ARHGEF26: variants seen among roughly 807,000 people sequenced by gnomAD.
ARHGEF26 encodes the protein Rho guanine nucleotide exchange factor (GEF) 26.
Under a neutral mutation model 89.4 loss-of-function variants are expected in ARHGEF26, and 59 were observed. The observed-to-expected ratio is 0.66, with a 90% CI of 0.54 to 0.82. ARHGEF26 has a LOEUF of 0.82. ARHGEF26 is among the 40% of genes least tolerant of loss of function. The pLI is 0.00. For synonymous variants in ARHGEF26, 500 were observed against 428.4 expected, an observed-to-expected ratio of 1.17 and a Z score of -2.06; for missense variants, 1,234 against 1,085.6, an observed-to-expected ratio of 1.14 and a Z score of -1.92.
chr3:154,221,790 C>T (rs907823335), intron 10 of ARHGEF26, among the ~76,000 whole-genome samples: 1 of 152,100 alleles, frequency 6.6e-6, no homozygotes, highest in Non-Finnish European at 1.5e-5. Flanking sequence ...TTGGTCATTA[C>T]CCGTGAGGGG....
At chr3:154,170,579 C>G (rs1330179781) in intron 6 of ARHGEF26, among the ~76,000 whole-genome samples, 1 of 152,168 alleles carries the variant, frequency 6.6e-6, no homozygotes, top group East Asian at 1.9e-4. Flanking sequence ...ACCATTTGTC[C>G]TGTGTGACCT....
intron 6 of ARHGEF26, among the ~76,000 whole-genome samples, chr3:154,162,133 A>G (rs553534099): frequency 6.6e-6 from 1 of 152,324 alleles, no homozygotes; most frequent in African/African-American, 2.4e-5. Flanking sequence ...GTTTGGTTGC[A>G]GTGTTTCATC....
chr3:154,176,842 C>G (rs1712850850), intron 6 of ARHGEF26, among the ~76,000 whole-genome samples: 1 of 151,980 alleles, frequency 6.6e-6, no homozygotes, highest in Non-Finnish European at 1.5e-5. Flanking sequence ...TGAGGTTTTC[C>G]TACATTGCCC....
At chr3:154,201,824 A>G (rs1006581901) in intron 9 of ARHGEF26, among the ~76,000 whole-genome samples, 2 of 152,132 alleles carry the variant, frequency 1.3e-5, no homozygotes, top group African/African-American at 4.8e-5. Context: ...ATCTGTTCAT[A>G]TCCTTCACCC....
chr3:154,180,042 G>C (rs1471751641), intron 6 of ARHGEF26, among the ~76,000 whole-genome samples: 2 of 151,822 alleles, frequency 1.3e-5, no homozygotes, highest in Non-Finnish European at 2.9e-5. Flanking sequence ...TTTGTATCGT[G>C]GCTTATGAAT....
intron 9 of ARHGEF26, among the ~76,000 whole-genome samples, chr3:154,204,618 C>T (rs192476160): frequency 2.6e-5 from 4 of 152,238 alleles, no homozygotes; most frequent in African/African-American, 9.6e-5. Context: ...GCATGAGCCA[C>T]TGTACCCAGC....
At chr3:154,180,587 T>A in intron 6 of ARHGEF26, among the ~76,000 whole-genome samples, 1 of 151,796 alleles carries the variant, frequency 6.6e-6, no homozygotes, top group Non-Finnish European at 1.5e-5. Context: ...TGCTGCATCC[T>A]CCTCTAATTT....
At chr3:154,245,620 G>A (rs1717758909) in intron 12 of ARHGEF26, among the ~76,000 whole-genome samples, 1 of 152,314 alleles carries the variant, frequency 6.6e-6, no homozygotes, top group East Asian at 1.9e-4. Context: ...CTCATCTTGA[G>A]AATGCCCAGT....
chr3:154,238,005 A>G (rs1190195995), intron 11 of ARHGEF26, among the ~76,000 whole-genome samples: 1 of 152,020 alleles, frequency 6.6e-6, no homozygotes. Context: ...AGGTTTTGTT[A>G]TGTTTGCTGT....
chr3:154,234,974 G>A (rs1431281532), intron 11 of ARHGEF26, among the ~76,000 whole-genome samples: 1 of 152,022 alleles, frequency 6.6e-6, no homozygotes, highest in Non-Finnish European at 1.5e-5. Context: ...GTGTTATCCA[G>A]GATGGTCTCG....
chr3:154,122,600 T>C lies in ARHGEF26; in HGVS notation c.608T>C (p.Phe203Ser), dbSNP rs13096373. 0.16 allele frequency: 256,349 copies of C among 1,613,558 alleles called. 28,512 individuals carry two copies. The highest frequency in any genetic ancestry group is 0.49 in the East Asian group (21,932 of 44,848). ...RKAKDPERGL[F>S]PGPQKSSSEQ... Reference sequence around the variant, plus strand: ...GCAAAGGACCCCGAACGGGGGCTCTTTCCTGGGCCCCAGAAAAGTTCTTCG... The same window carrying C: ...GCAAAGGACCCCGAACGGGGGCTCTCTCCTGGGCCCCAGAAAAGTTCTTCG... Residue 203 changes from phenylalanine (F) to serine (S), a missense_variant, in exon 2 of 15, where the codon TTT (phenylalanine) becomes TCT (serine). Physicochemically the swap from Phe to Ser is radical, Grantham distance 155. Coordinates refer to ENST00000465093, the MANE Select transcript of ARHGEF26 (RefSeq NM_015595.4).
chr3:154,160,929 C>A (rs2108116862), intron 6 of ARHGEF26, among the ~76,000 whole-genome samples: 1 of 152,232 alleles, frequency 6.6e-6, no homozygotes, highest in African/African-American at 2.4e-5. Context: ...CTCTACCCAG[C>A]AAGATGATGA....
intron 7 of ARHGEF26, among the ~76,000 whole-genome samples, chr3:154,190,028 T>A (rs555756229): frequency 3.9e-4 from 59 of 152,050 alleles, no homozygotes; most frequent in East Asian, 2.1e-3. Context: ...TAACATTTTT[T>A]TTAAAAAAAA....
intron 6 of ARHGEF26, among the ~76,000 whole-genome samples, chr3:154,166,807 A>G (rs1353094091): frequency 2.0e-5 from 3 of 152,160 alleles, no homozygotes; most frequent in African/African-American, 4.8e-5. Context: ...ACTGAAAGTA[A>G]TAAATGTACA....
chr3:154,207,435 C>T (rs1272509673), intron 9 of ARHGEF26, among the ~76,000 whole-genome samples: 1 of 151,878 alleles, frequency 6.6e-6, no homozygotes, highest in African/African-American at 2.4e-5. Context: ...AAAAAGCGGG[C>T]AAAGGACATG....
chr3:154,190,899 G>A (rs1245290717), intron 7 of ARHGEF26, among the ~76,000 whole-genome samples: 1 of 152,068 alleles, frequency 6.6e-6, no homozygotes. Context: ...TATTATTTAT[G>A]ATCTTATTAA....
intron 6 of ARHGEF26, among the ~76,000 whole-genome samples, chr3:154,172,946 T>C (rs1463703333): frequency 6.6e-6 from 1 of 152,172 alleles, no homozygotes; most frequent in Non-Finnish European, 1.5e-5. Flanking sequence ...TGCTGTAAAA[T>C]TGTTGACTTT....
intron 11 of ARHGEF26, among the ~76,000 whole-genome samples, chr3:154,226,680 CACA>C (rs1716510502): frequency 6.6e-6 from 1 of 152,010 alleles, no homozygotes; most frequent in Admixed American, 6.6e-5. Flanking sequence ...CACACACACA[CACA>C]CACACACACA....
At chr3:154,208,467 G>A (rs532639543) in intron 9 of ARHGEF26, among the ~76,000 whole-genome samples, 2 of 152,030 alleles carry the variant, frequency 1.3e-5, no homozygotes, top group Admixed American at 1.3e-4. Flanking sequence ...TCTTGTACTT[G>A]GATACTTATA....
Sources: allele counts gnomAD v4.1 joint callset (sites outside exome capture counted in the v4.1 genomes callset), GRCh38; gene constraint gnomAD v4.1.1; transcripts MANE v1.5; gene names NCBI Gene and HGNC (gene_info 2026-07-23, HGNC 2026-07-21).